MAGI2: variants seen among roughly 807,000 people sequenced by gnomAD.
MAGI2 encodes the protein membrane-associated guanylate kinase, WW and PDZ domain-containing protein 2.
Under a neutral mutation model 133.3 loss-of-function variants are expected in MAGI2, and 35 were observed. The observed-to-expected ratio is 0.26, with a 90% CI of 0.20 to 0.35. MAGI2 has a LOEUF of 0.35. Ranked by LOEUF, MAGI2 falls within the 10% of genes least tolerant of loss-of-function variation. MAGI2 has a pLI of 1.00. For synonymous variants in MAGI2, 729 were observed against 710.6 expected, an observed-to-expected ratio of 1.03 and a Z score of -0.41; for missense variants, 1,636 against 1,863.4, an observed-to-expected ratio of 0.88 and a Z score of 2.25.
intron 2 of MAGI2, among the ~76,000 whole-genome samples, chr7:78,980,827 GAGA>G (rs1249680922): frequency 6.6e-6 from 1 of 151,336 alleles, no homozygotes; most frequent in Admixed American, 6.6e-5. Context: ...AGTTATTTCA[GAGA>G]AGGTGTATCT....
At chr7:78,169,749 A>G (rs1234206851) in intron 14 of MAGI2, among the ~76,000 whole-genome samples, 11 of 152,234 alleles carry the variant, frequency 7.2e-5, no homozygotes, top group Non-Finnish European at 1.6e-4. Flanking sequence ...TTGCTGTCAC[A>G]GGACAGGCCT....
At chr7:78,810,210 T>A (rs1788926842) in intron 2 of MAGI2, among the ~76,000 whole-genome samples, 1 of 152,126 alleles carries the variant, frequency 6.6e-6, no homozygotes, top group South Asian at 2.1e-4. Context: ...TATTGGTGTT[T>A]AGAGGTTTCA....
chr7:79,129,345 A>G (rs1820708194), intron 1 of MAGI2, among the ~76,000 whole-genome samples: 1 of 152,222 alleles, frequency 6.6e-6, no homozygotes. Flanking sequence ...ATGCCATCCA[A>G]AAATCTTAAG....
chr7:78,233,895 T>G (rs977895834), intron 10 of MAGI2, among the ~76,000 whole-genome samples: 1 of 152,140 alleles, frequency 6.6e-6, no homozygotes, highest in East Asian at 1.9e-4. Context: ...GGTAGTTTCC[T>G]TAGCATGAGG....
chr7:78,939,099 T>C (rs982862874), intron 2 of MAGI2, among the ~76,000 whole-genome samples: 1 of 152,146 alleles, frequency 6.6e-6, no homozygotes, highest in African/African-American at 2.4e-5. Flanking sequence ...GTTCAAGCAA[T>C]TCTCCTGCCT....
In MAGI2 at chr7:78,112,789, G is replaced by C. The variant is rs544523302; in HGVS notation, c.3567+12905C>G. Among the ~76,000 whole-genome samples the C allele has an allele frequency of 4.6e-5, 7 of 152,316 alleles. No individual in the cohort carries two copies. In the South Asian group the frequency reaches 1.4e-3, roughly 32 times the overall value. On this transcript the variant is annotated intron_variant, in intron 20 of 21. Coordinates refer to ENST00000354212, the MANE Select transcript of MAGI2 (RefSeq NM_012301.4). The stretch of plus-strand genomic sequence containing the variant: ...TGATTCCTGCTCTTGCAGAGCTTAT[G>C]CTCTGGAAAGACAGACTTCATAAAG...
rs193278560 is a variant in MAGI2, at chr7:78,633,663, G to A, written c.419-6424C>T. Among the ~76,000 whole-genome samples, 100 of 136,568 alleles carry A rather than the reference G, an allele frequency of 7.3e-4. 4 individuals carry two copies. The East Asian group carries it at 0.019, about 26-fold the overall frequency. 89.6% of individuals were successfully genotyped at this position (136,568 alleles called of 152,430 possible). A position where few individuals can be genotyped will look rare whatever the true frequency, so the allele number is the denominator to read the frequency against. Reference sequence around the variant, plus strand: ...GGAGCTTGCAGTGAGCAGAGATCGCGCCACTGCACTCCAGCCTGGGCGTCA... The same window carrying A: ...GGAGCTTGCAGTGAGCAGAGATCGCACCACTGCACTCCAGCCTGGGCGTCA... On this transcript the variant is annotated intron_variant, in intron 2 of 21. Transcript: ENST00000354212.
chr7:79,199,556 G>C (rs1184232205), intron 1 of MAGI2, among the ~76,000 whole-genome samples: 1 of 151,956 alleles, frequency 6.6e-6, no homozygotes, highest in African/African-American at 2.4e-5. Context: ...TTTTCTAAAA[G>C]CACGTTTCTT....
intron 9 of MAGI2, 56 bp downstream of exon 9, chr7:78,343,719 ATTT>A: frequency 7.6e-7 from 1 of 1,317,306 alleles, no homozygotes; most frequent in Non-Finnish European, 1.0e-6. Flanking sequence ...AGCTCCTTAT[ATTT>A]GCCTTCAGAA....
intron 2 of MAGI2, among the ~76,000 whole-genome samples, chr7:78,980,992 T>C (rs1804736578): frequency 6.6e-6 from 1 of 151,644 alleles, no homozygotes; most frequent in South Asian, 2.1e-4. Flanking sequence ...GTCTTTGTTG[T>C]TGTTGAAAGT....
At chr7:78,645,088 TAG>T (rs1482547953) in intron 2 of MAGI2, among the ~76,000 whole-genome samples, 3 of 151,990 alleles carry the variant, frequency 2.0e-5, no homozygotes, top group African/African-American at 7.2e-5. Flanking sequence ...CTGTGTACAG[TAG>T]ATAGCCTGTA....
At chr7:79,431,098 C>T (rs1258427632) in intron 1 of MAGI2, among the ~76,000 whole-genome samples, 1 of 152,150 alleles carries the variant, frequency 6.6e-6, no homozygotes, top group East Asian at 1.9e-4. Flanking sequence ...ATAGCTGATG[C>T]TGCTAGGCAA....
At chr7:78,640,643 A>G (rs939983830) in intron 2 of MAGI2, among the ~76,000 whole-genome samples, 23 of 152,240 alleles carry the variant, frequency 1.5e-4, no homozygotes, top group African/African-American at 5.1e-4. Flanking sequence ...CAGTAGCATC[A>G]GCCCAGCAGC....
At position 78,344,034 on chromosome 7, in the gene MAGI2, C is replaced by A. The variant is rs192347039; in HGVS notation, c.1226-74G>T. ...AGTTCTCAGACAAGAGAAAGCCAGC[C>A]CCTGAGCAGCGACAATCCCAGGGGT... On this transcript the variant is annotated intron_variant, in intron 8 of 21. Transcript: ENST00000354212. The A allele has an allele frequency of 7.2e-6, 10 of 1,384,058 alleles. No homozygotes were observed. In the Admixed American group the frequency reaches 1.8e-4, roughly 25 times the overall value. 85.7% of individuals were successfully genotyped at this position (1,384,058 alleles called of 1,614,324 possible). A position where few individuals can be genotyped will look rare whatever the true frequency, so the allele number is the denominator to read the frequency against.
intron 1 of MAGI2, among the ~76,000 whole-genome samples, chr7:79,309,720 T>C (rs1281244040): frequency 1.3e-5 from 2 of 151,960 alleles, no homozygotes. Context: ...TCATCGTTTA[T>C]GATGTTTATC....
chr7:79,419,320 T>C (rs1192962555), intron 1 of MAGI2, among the ~76,000 whole-genome samples: 4 of 151,976 alleles, frequency 2.6e-5, no homozygotes, highest in African/African-American at 4.8e-5. Context: ...GCTGCCATCA[T>C]AGAATGCAGG....
intron 2 of MAGI2, among the ~76,000 whole-genome samples, chr7:78,999,019 A>G (rs764898808): frequency 1.3e-5 from 2 of 152,064 alleles, no homozygotes; most frequent in Non-Finnish European, 2.9e-5. Flanking sequence ...CAGAGACAAA[A>G]TATAGCCTCA....
intron 1 of MAGI2, among the ~76,000 whole-genome samples, chr7:79,341,743 T>C (rs1240926684): frequency 6.6e-6 from 1 of 152,166 alleles, no homozygotes; most frequent in Non-Finnish European, 1.5e-5. Flanking sequence ...TTTCAACCAC[T>C]TGAAAATCCC....
intron 2 of MAGI2, among the ~76,000 whole-genome samples, chr7:78,934,688 G>T (rs1314118532): frequency 6.6e-6 from 1 of 152,038 alleles, no homozygotes; most frequent in Admixed American, 6.6e-5. Context: ...TTTGTGTTTA[G>T]ATTTGAGTCC....
Sources: gnomAD v4.1 joint callset for allele counts (sites outside exome capture counted in the v4.1 genomes callset) on GRCh38, gnomAD v4.1.1 for gene constraint, MANE v1.5 for transcripts, NCBI Gene and HGNC (gene_info 2026-07-23, HGNC 2026-07-21) for gene names.